Variants in RCL1 observed in about 807,000 individuals in gnomAD.
RCL1 encodes RNA 3'-terminal phosphate cyclase-like protein.
In RCL1, 24 loss-of-function variants were observed where a neutral mutation model predicts 42.4. The observed-to-expected ratio is 0.57, with a 90% confidence interval of 0.41 to 0.80. The LOEUF (loss-of-function observed/expected upper bound fraction) is 0.80. Among genes scored for constraint, RCL1 ranks in the 30% least tolerant of loss-of-function variants. The pLI is 0.00. For synonymous variants in RCL1, 228 were observed against 177.3 expected (o/e 1.29, Z -2.27); for missense variants, 578 against 467.9 (o/e 1.24, Z -2.17).
At chr9:4,793,494 C>A (rs547297328) in intron 1 of RCL1, among the ~76,000 whole-genome samples, 5 of 152,260 alleles carry the variant, frequency 3.3e-5, no homozygotes, top group African/African-American at 1.2e-4. Flanking sequence ...TCCAGCTTTA[C>A]GTGTAGCAAC....
chr9:4,818,435 A>G (rs1428763203), intron 1 of RCL1, among the ~76,000 whole-genome samples: 1 of 152,214 alleles, frequency 6.6e-6, no homozygotes, highest in East Asian at 1.9e-4. Context: ...ATAAATAAAC[A>G]TACATATTTG....
intron 1 of RCL1, among the ~76,000 whole-genome samples, chr9:4,821,567 T>G (rs1246946914): frequency 1.3e-5 from 2 of 152,228 alleles, no homozygotes; most frequent in African/African-American, 4.8e-5. Flanking sequence ...GGCAAGGGCC[T>G]TCTTGCCACA....
chr9:4,803,486 T>C (rs1843040916), intron 1 of RCL1, among the ~76,000 whole-genome samples: 1 of 152,210 alleles, frequency 6.6e-6, no homozygotes, highest in Admixed American at 6.5e-5. Context: ...TATACCCTTA[T>C]ATCCACAACT....
Position 4,839,757 on chromosome 9 carries a change from G to A in RCL1, c.585-1475G>A, listed in dbSNP as rs1356677885. ...TTCTGAGTACAAAAGTGGTGTATTG[G>A]AGAGTTGGGAGGGATTACAGAGGTA... On this transcript the variant is annotated intron_variant, in intron 5 of 8. Coordinates refer to ENST00000381750, the MANE Select transcript of RCL1 (RefSeq NM_005772.5). 1.3e-5 allele frequency: 13 copies of A among 969,758 alleles called. 1 individual carries two copies. The highest frequency in any genetic ancestry group is 1.6e-5 in the Non-Finnish European group (13 of 815,746). 60.1% of individuals were successfully genotyped at this position (969,758 alleles called of 1,614,324 possible). A position where few individuals can be genotyped will look rare whatever the true frequency, so the allele number is the denominator to read the frequency against.
chr9:4,804,772 G>C (rs147886006), intron 1 of RCL1: 1 of 181,656 alleles, frequency 5.5e-6, no homozygotes, highest in Admixed American at 6.1e-5. Context: ...GACTCCTGCC[G>C]GAGCAGCGAA....
chr9:4,796,040 G>T (rs982698236), intron 1 of RCL1, among the ~76,000 whole-genome samples: 1 of 152,190 alleles, frequency 6.6e-6, no homozygotes, highest in Admixed American at 6.5e-5. Flanking sequence ...ATAGGATTGA[G>T]ATGGTGGCTG....
chr9:4,829,257 G>A (rs374497236), intron 3 of RCL1, among the ~76,000 whole-genome samples: 1 of 152,176 alleles, frequency 6.6e-6, no homozygotes, highest in Non-Finnish European at 1.5e-5. Flanking sequence ...TTGAGTGAAA[G>A]ATGAATGGAG....
Position 4,860,259 on chromosome 9 carries a change from G to T in RCL1, c.1106G>T (p.Ser369Ile), listed in dbSNP as rs1587742029. ...TCVGIGFSNL[S>I]KTLK The stretch of plus-strand genomic sequence containing the variant: ...GTTGGCATTGGTTTCTCCAACCTTA[G>T]CAAGACCCTCAAGTGATAACCATCA... The change falls in exon 9 of 9, where the codon AGC becomes ATC. Residue 369 changes from serine (S) to isoleucine (I), a missense_variant. Ser to Ile is a moderately radical substitution (Grantham distance 142). Transcript: ENST00000381750. 4 of 1,613,220 alleles carry T rather than the reference G, an allele frequency of 2.5e-6. No individual in the cohort carries two copies. Among genetic ancestry groups the T allele is most frequent in the Non-Finnish European group, 3.4e-6 (4 of 1,179,774 alleles).
At chr9:4,849,004 A>G (rs1287002285) in intron 7 of RCL1, among the ~76,000 whole-genome samples, 1 of 152,076 alleles carries the variant, frequency 6.6e-6, no homozygotes, top group Non-Finnish European at 1.5e-5. Flanking sequence ...TGTCAGATAG[A>G]CTGTGTTGTT....
chr9:4,821,957 C>T (rs764499900), intron 1 of RCL1, among the ~76,000 whole-genome samples: 7 of 152,306 alleles, frequency 4.6e-5, no homozygotes, highest in Admixed American at 6.5e-5. Flanking sequence ...TTAGAGAGAA[C>T]ATTCAAACCA....
intron 2 of RCL1, among the ~76,000 whole-genome samples, chr9:4,826,366 C>G (rs533615834): frequency 2.3e-4 from 35 of 152,334 alleles, no homozygotes; most frequent in African/African-American, 8.4e-4. Flanking sequence ...AATTAAAAGA[C>G]CTACTATTAA....
chr9:4,826,992 A>C lies in RCL1; in HGVS notation c.343A>C (p.Ile115Leu). ...LAPFMKHPLK[I>L]VLRGVTNDQV... is the part of the protein sequence containing the mutation. The stretch of plus-strand genomic sequence containing the variant: ...TCCATTTATGAAGCACCCGTTAAAA[A>C]TAGTTCTACGAGGAGTGACCAATGA... The change falls in exon 3 of 9, where the codon ATA becomes CTA. Residue 115 changes from isoleucine to leucine, a missense_variant. Ile to Leu is a conservative substitution (Grantham distance 5). Transcript: ENST00000381750. 1.2e-6 allele frequency: 2 copies of C among 1,614,194 alleles called. No homozygotes were observed. The highest frequency in any genetic ancestry group is 1.7e-6 in the Non-Finnish European group (2 of 1,180,030).
At chr9:4,832,765 G>A (rs180876770) in intron 3 of RCL1, among the ~76,000 whole-genome samples, 274 of 125,228 alleles carry the variant, frequency 2.2e-3, no homozygotes, top group African/African-American at 8.0e-3. Flanking sequence ...CCTAGATCGC[G>A]CCACTGCACT....
At chr9:4,833,019 C>T (rs1816998267) in intron 3 of RCL1, 135 bp from the exon 4 acceptor site, 1 of 633,724 alleles carries the variant, frequency 1.6e-6, no homozygotes, top group South Asian at 1.7e-5. Context: ...CCCACTCGCT[C>T]AGTTATATGC....
intron 6 of RCL1, among the ~76,000 whole-genome samples, chr9:4,841,666 AT>A (rs1563851713): frequency 6.6e-6 from 1 of 152,332 alleles, no homozygotes; most frequent in South Asian, 2.1e-4. Flanking sequence ...CAACAAAAAA[AT>A]TAAAGTGGAC....
At chr9:4,814,063 T>C (rs1816282511) in intron 1 of RCL1, among the ~76,000 whole-genome samples, 1 of 152,002 alleles carries the variant, frequency 6.6e-6, no homozygotes, top group African/African-American at 2.4e-5. Context: ...GACGAGTTAA[T>C]GGGTGCAGCA....
chr9:4,817,348 T>C (rs1008996622), intron 1 of RCL1, among the ~76,000 whole-genome samples: 4 of 152,096 alleles, frequency 2.6e-5, no homozygotes, highest in Non-Finnish European at 5.9e-5. Flanking sequence ...TTAATCTTTT[T>C]AATTAATTAT....
chr9:4,826,720 G>T (rs1362087623), intron 2 of RCL1, 138 bp from the exon 3 acceptor site: 20 of 712,786 alleles, frequency 2.8e-5, no homozygotes. Flanking sequence ...GCGAAGTGTG[G>T]GCTCTTAGCA....
intron 1 of RCL1, among the ~76,000 whole-genome samples, chr9:4,798,631 T>C (rs1471655436): frequency 6.6e-6 from 1 of 152,212 alleles, no homozygotes; most frequent in African/African-American, 2.4e-5. Context: ...CAGTGCATTG[T>C]TTTGGGAATA....
Sources: gnomAD v4.1 joint callset for allele counts (sites outside exome capture counted in the v4.1 genomes callset) on GRCh38, gnomAD v4.1.1 for gene constraint, MANE v1.5 for transcripts, NCBI Gene and HGNC (gene_info 2026-07-23, HGNC 2026-07-21) for gene names.